Variants in HECW2 observed in about 807,000 individuals in gnomAD.
HECW2 encodes E3 ubiquitin-protein ligase HECW2.
Under a neutral mutation model 175.2 loss-of-function variants are expected in HECW2, and 61 were observed. The observed-to-expected ratio is 0.35, with a 90% CI of 0.28 to 0.43. HECW2 has a LOEUF of 0.43. HECW2 is among the 20% of genes least tolerant of loss of function. The pLI is 1.00. For synonymous variants in HECW2, 671 were observed against 731.0 expected (o/e 0.92, Z 1.32); for missense variants, 1,524 against 2,000.5 (o/e 0.76, Z 4.54).
At chr2:196,540,259 C>T (rs1689166163) in intron 1 of HECW2, among the ~76,000 whole-genome samples, 1 of 152,016 alleles carries the variant, frequency 6.6e-6, no homozygotes, top group African/African-American at 2.4e-5. Flanking sequence ...ATGAATGTTA[C>T]TCCTTTAAAC....
At chr2:196,215,777 T>C (rs1473828921) in intron 28 of HECW2, 88 bp downstream of exon 28, 10 of 915,186 alleles carry the variant, frequency 1.1e-5, no homozygotes, top group Non-Finnish European at 1.7e-5. Context: ...AAACTTTTAA[T>C]ATAAAAGCAG....
intron 5 of HECW2, among the ~76,000 whole-genome samples, chr2:196,327,120 T>C (rs961000644): frequency 2.0e-5 from 3 of 152,192 alleles, no homozygotes; most frequent in Non-Finnish European, 4.4e-5. Flanking sequence ...AAGAGTAACA[T>C]AGACAGAAAT....
chr2:196,561,983 C>T (rs781409825), intron 1 of HECW2, among the ~76,000 whole-genome samples: 2 of 152,188 alleles, frequency 1.3e-5, no homozygotes, highest in Admixed American at 1.3e-4. Context: ...ATGCCAAACA[C>T]GTTATTTCCT....
intron 2 of HECW2, among the ~76,000 whole-genome samples, chr2:196,349,778 A>G (rs1222222506): frequency 1.3e-5 from 2 of 152,218 alleles, no homozygotes; most frequent in Admixed American, 6.5e-5. Context: ...ATAGAAGATT[A>G]CAACACACAA....
At chr2:196,363,527 G>A (rs891375649) in intron 2 of HECW2, among the ~76,000 whole-genome samples, 4 of 152,222 alleles carry the variant, frequency 2.6e-5, no homozygotes, top group Non-Finnish European at 5.9e-5. Context: ...TCACCACTGG[G>A]AGATTAAGAA....
chr2:196,400,820 C>CA (rs56242100), intron 2 of HECW2, among the ~76,000 whole-genome samples: 37,948 of 134,664 alleles, frequency 0.28, 5,755 homozygotes, highest in African/African-American at 0.44. Flanking sequence ...CCACAAAATG[C>CA]AAAAAAAAAA....
chr2:196,592,873 G>T (rs1282663079), intron 1 of HECW2: 1 of 150,262 alleles, frequency 6.7e-6, no homozygotes. Flanking sequence ...GGCGCCCTGC[G>T]GCCGGTCCGT....
intron 1 of HECW2, among the ~76,000 whole-genome samples, chr2:196,456,981 T>C (rs1696537505): frequency 6.6e-6 from 1 of 152,230 alleles, no homozygotes; most frequent in South Asian, 2.1e-4. Context: ...TATTGCTTCA[T>C]ATATATCTAT....
At chr2:196,310,125 C>T (rs1206064791) in intron 10 of HECW2, among the ~76,000 whole-genome samples, 1 of 152,042 alleles carries the variant, frequency 6.6e-6, no homozygotes, top group Non-Finnish European at 1.5e-5. Flanking sequence ...TGACACAAAG[C>T]CACAAAAAAG....
At chr2:196,512,955 G>A (rs536227978) in intron 1 of HECW2, among the ~76,000 whole-genome samples, 12 of 152,062 alleles carry the variant, frequency 7.9e-5, no homozygotes, top group African/African-American at 2.7e-4. Context: ...GCCTCCCAAA[G>A]TGCTGGGATT....
At chr2:196,379,955 T>A (rs1347685208) in intron 2 of HECW2, among the ~76,000 whole-genome samples, 7 of 151,152 alleles carry the variant, frequency 4.6e-5, no homozygotes, top group African/African-American at 1.7e-4. Context: ...AAAGGTGACA[T>A]AATAAATAAA....
chr2:196,255,147 A>ATTTTTTTTTTTTTTT (rs768416431), intron 18 of HECW2, among the ~76,000 whole-genome samples: 1 of 95,426 alleles, frequency 1.0e-5, no homozygotes, highest in Non-Finnish European at 1.9e-5. Flanking sequence ...TAATTTTTCT[A>ATTTTTTTTTTTTTTT]TTTTTTTTTT....
chr2:196,512,069 G>T (rs1441915297), intron 1 of HECW2, among the ~76,000 whole-genome samples: 3 of 152,200 alleles, frequency 2.0e-5, no homozygotes, highest in Admixed American at 6.5e-5. Context: ...GGCCGAGCAG[G>T]TGAAGAAAAT....
chr2:196,464,078 G>A (rs1696851907), intron 1 of HECW2, among the ~76,000 whole-genome samples: 1 of 149,972 alleles, frequency 6.7e-6, no homozygotes, highest in African/African-American at 2.5e-5. Flanking sequence ...TTCTGAATAG[G>A]AATACATTAA....
chr2:196,569,164 C>T (rs936941075), intron 1 of HECW2, among the ~76,000 whole-genome samples: 1 of 152,018 alleles, frequency 6.6e-6, no homozygotes, highest in African/African-American at 2.4e-5. Flanking sequence ...TAGTGAGACC[C>T]CATCTCTCCA....
At chr2:196,366,000 G>C (rs933210186) in intron 2 of HECW2, among the ~76,000 whole-genome samples, 1 of 152,154 alleles carries the variant, frequency 6.6e-6, no homozygotes, top group Non-Finnish European at 1.5e-5. Context: ...CTCTTCTACA[G>C]CTTCCCCCCA....
At chr2:196,300,014 G>T (rs1690981090) in intron 13 of HECW2, among the ~76,000 whole-genome samples, 2 of 152,262 alleles carry the variant, frequency 1.3e-5, no homozygotes, top group African/African-American at 4.8e-5. Flanking sequence ...CAGCGATGAG[G>T]AACTTGTATG....
chr2:196,383,389 G>T (rs980165930), intron 2 of HECW2, among the ~76,000 whole-genome samples: 1 of 152,198 alleles, frequency 6.6e-6, no homozygotes, highest in Admixed American at 6.5e-5. Context: ...ATAGGTATTG[G>T]CTGAATCCAT....
At chr2:196,319,946 A>G in intron 8 of HECW2, 42 bp from the exon 9 acceptor site, 2 of 1,528,702 alleles carry the variant, frequency 1.3e-6, no homozygotes, top group African/African-American at 1.4e-5. Flanking sequence ...AACCAGAAAT[A>G]ATAAGTGAAC....
Sources: gnomAD v4.1 joint callset for allele counts (sites outside exome capture counted in the v4.1 genomes callset) on GRCh38, gnomAD v4.1.1 for gene constraint, MANE v1.5 for transcripts, NCBI Gene and HGNC (gene_info 2026-07-23, HGNC 2026-07-21) for gene names.